Variants in FSIP1 observed in about 807,000 individuals in gnomAD.
FSIP1 encodes fibrous sheath-interacting protein 1.
In FSIP1, 65 loss-of-function variants were observed where a neutral mutation model predicts 60.9. That is an observed-to-expected ratio of 1.07 (90% confidence interval 0.87 to 1.31). FSIP1 has a LOEUF of 1.31. Ranked by LOEUF, FSIP1 falls within the 40% of genes most tolerant of loss-of-function variation. The probability of loss-of-function intolerance (pLI) is 0.00; values close to 1 mark genes in which losing one functional copy is unlikely to be tolerated. For synonymous variants in FSIP1, 209 were observed against 221.2 expected, an observed-to-expected ratio of 0.94 and a Z score of 0.49; for missense variants, 675 against 665.5, an observed-to-expected ratio of 1.01 and a Z score of -0.16.
chr15:39,685,714 T>A (rs1894339370), intron 10 of FSIP1, among the ~76,000 whole-genome samples: 2 of 152,216 alleles, frequency 1.3e-5, no homozygotes, highest in Non-Finnish European at 2.9e-5. Context: ...AAAAAAAATT[T>A]TTATACAAAA....
At chr15:39,597,808 A>G (rs1890508210), downstream of FSIP1, 1 of 152,208 alleles carries the variant, frequency 6.6e-6, no homozygotes, top group African/African-American at 2.4e-5. Context: ...GTATGAAAAC[A>G]AAGGGAAAAA....
At chr15:39,637,929 T>C (rs1052135660) in intron 10 of FSIP1, among the ~76,000 whole-genome samples, 1 of 152,266 alleles carries the variant, frequency 6.6e-6, no homozygotes, top group Non-Finnish European at 1.5e-5. Flanking sequence ...AACAGAATGT[T>C]GCAAAAGTTT....
intron 4 of FSIP1, among the ~76,000 whole-genome samples, chr15:39,764,343 T>A (rs550553854): frequency 2.6e-4 from 39 of 152,360 alleles, no homozygotes; most frequent in African/African-American, 9.1e-4. Flanking sequence ...CTTTTTCTGC[T>A]AAAATTTCCA....
intron 10 of FSIP1, among the ~76,000 whole-genome samples, chr15:39,645,611 C>T (rs1892563377): frequency 6.6e-6 from 1 of 150,714 alleles, no homozygotes; most frequent in South Asian, 2.1e-4. Flanking sequence ...AGGCAGGAGC[C>T]GGGGACAAGC....
intron 10 of FSIP1, among the ~76,000 whole-genome samples, chr15:39,644,376 G>A (rs1032339922): frequency 4.6e-5 from 7 of 152,238 alleles, no homozygotes; most frequent in Non-Finnish European, 7.3e-5. Context: ...AAGACCTTTC[G>A]TTTCCCGGGG....
chr15:39,743,069 G>A (rs1213178616), intron 5 of FSIP1, among the ~76,000 whole-genome samples: 3 of 152,220 alleles, frequency 2.0e-5, no homozygotes. Flanking sequence ...ATCAGTTTAA[G>A]TTACATTTAC....
At position 39,762,852 on chromosome 15, in the gene FSIP1, G is replaced by A. The variant is rs1470700829; in HGVS notation, c.559+969C>T. Among the ~76,000 whole-genome samples the A allele has an allele frequency of 3.3e-5, 5 of 152,186 alleles. No homozygotes were observed. The East Asian group carries it at 7.7e-4, about 23-fold the overall frequency. ...GGAGGAGAATGAACACAAATAAAGG[G>A]AAGGAACTAATGGCAGCCGTTTGGA... On this transcript the variant is annotated intron_variant, in intron 5 of 11. Transcript: ENST00000350221.
At chr15:39,714,153 T>C (rs998364877) in intron 9 of FSIP1, among the ~76,000 whole-genome samples, 1 of 152,168 alleles carries the variant, frequency 6.6e-6, no homozygotes, top group Admixed American at 6.5e-5. Context: ...GTCATCACAG[T>C]ATGTAGTAGG....
At chr15:39,667,139 C>T (rs1240586237) in intron 10 of FSIP1, among the ~76,000 whole-genome samples, 8 of 152,180 alleles carry the variant, frequency 5.3e-5, no homozygotes, top group Non-Finnish European at 1.2e-4. Flanking sequence ...CTTCCCCCTC[C>T]AAATAAACTG....
At chr15:39,781,869 C>T (rs1898276839) in intron 1 of FSIP1, among the ~76,000 whole-genome samples, 1 of 152,158 alleles carries the variant, frequency 6.6e-6, no homozygotes. Flanking sequence ...ATGAAACTTC[C>T]GTATGCTGAT....
chr15:39,686,575 G>A (rs903638384), intron 10 of FSIP1, among the ~76,000 whole-genome samples: 1 of 152,220 alleles, frequency 6.6e-6, no homozygotes, highest in Non-Finnish European at 1.5e-5. Context: ...AAAGCCCTGT[G>A]AGCAAAGGCT....
chr15:39,634,273 C>G (rs2140408418), intron 10 of FSIP1, among the ~76,000 whole-genome samples: 2 of 152,322 alleles, frequency 1.3e-5, no homozygotes, highest in South Asian at 4.1e-4. Flanking sequence ...CACTGCATTT[C>G]TCTTACTTTC....
chr15:39,688,200 T>A (rs183927550), intron 10 of FSIP1, among the ~76,000 whole-genome samples: 1 of 152,284 alleles, frequency 6.6e-6, no homozygotes, highest in East Asian at 1.9e-4. Context: ...TTCAGGGAGA[T>A]GACAATGATC....
intron 8 of FSIP1, among the ~76,000 whole-genome samples, chr15:39,733,873 C>G (rs1159136706): frequency 6.6e-6 from 1 of 152,138 alleles, no homozygotes; most frequent in African/African-American, 2.4e-5. Flanking sequence ...CTGCTCACTC[C>G]TGGATTTCTT....
intron 11 of FSIP1, 152 bp downstream of exon 11, chr15:39,617,583 G>C: frequency 1.6e-6 from 1 of 632,626 alleles, no homozygotes; most frequent in South Asian, 2.1e-5. Flanking sequence ...TAAGAGCATT[G>C]GGAAATAGGT....
chr15:39,708,766 G>C (rs114138041), intron 10 of FSIP1, among the ~76,000 whole-genome samples: 2,503 of 152,220 alleles, frequency 0.016, 53 homozygotes, highest in African/African-American at 0.054. Flanking sequence ...GTGTCCCAGA[G>C]CAGCTGTATG....
At chr15:39,634,077 T>C (rs1892025475) in intron 10 of FSIP1, among the ~76,000 whole-genome samples, 1 of 152,152 alleles carries the variant, frequency 6.6e-6, no homozygotes, top group African/African-American at 2.4e-5. Flanking sequence ...CTGTCCCCTC[T>C]ACCTGCACAC....
chr15:39,702,239 T>A (rs2664132), intron 10 of FSIP1, among the ~76,000 whole-genome samples: 4 of 149,462 alleles, frequency 2.7e-5, no homozygotes, highest in Non-Finnish European at 5.9e-5. Context: ...TGTCTTGGGC[T>A]CTGTTTCCTG....
chr15:39,713,446 C>T lies in FSIP1; in HGVS notation c.1186G>A (p.Val396Met). Reference sequence around the variant, plus strand: ...TTAATTAAAACAAAAAGACTTACCACATTTTCCTTCATCATTTTCAGCTTT... The same window carrying T: ...TTAATTAAAACAAAAAGACTTACCATATTTTCCTTCATCATTTTCAGCTTT... ...DEKLKMMKEN[V>M]LESTSCLSEE... Residue 396 changes from valine (V) to methionine (M), a missense_variant and splice_region_variant, in exon 10 of 12, where the codon GTG becomes ATG. Val to Met is a conservative substitution (Grantham distance 21). Coordinates refer to ENST00000350221, the MANE Select transcript of FSIP1 (RefSeq NM_152597.5). The T allele has an allele frequency of 6.3e-7, 1 of 1,590,556 alleles. No homozygotes were observed. Among genetic ancestry groups the T allele is most frequent in the African/African-American group, 1.4e-5 (1 of 73,260 alleles).
Sources: gnomAD v4.1 joint callset for allele counts (sites outside exome capture counted in the v4.1 genomes callset) on GRCh38, gnomAD v4.1.1 for gene constraint, MANE v1.5 for transcripts, NCBI Gene and HGNC (gene_info 2026-07-23, HGNC 2026-07-21) for gene names.